ZNF827: variants seen among roughly 807,000 people sequenced by gnomAD.
ZNF827 encodes zinc finger protein 827.
In ZNF827, 13 loss-of-function variants were observed where a neutral mutation model predicts 102.4. The observed-to-expected ratio is 0.13, with a 90% CI of 0.08 to 0.20. The LOEUF (loss-of-function observed/expected upper bound fraction) is 0.20. Ranked by LOEUF, ZNF827 falls within the 10% of genes least tolerant of loss-of-function variation. ZNF827 has a pLI of 1.00. For missense variants in ZNF827, 1,103 were observed against 1,344.4 expected, an observed-to-expected ratio of 0.82 and a Z score of 2.81; for synonymous variants, 523 against 536.2, an observed-to-expected ratio of 0.98 and a Z score of 0.34.
Position 145,903,015 on chromosome 4 carries a change from C to T in ZNF827, c.244G>A (p.Glu82Lys). Residue 82 changes from glutamate (E) to lysine (K), a missense_variant, in exon 2 of 15, where the codon GAG becomes AAG. Glu to Lys is a moderately conservative substitution (Grantham distance 56). Transcript: ENST00000508784. ...GSTTPSSHTL[E>K]LVALDSEVLR... ...ACCTCACTGTCCAGTGCCACCAGCT[C>T]CAACGTGTGGCTGCTGGGAGTCGTG... 1 of 1,614,116 alleles carries T rather than the reference C, an allele frequency of 6.2e-7. No individual in the cohort carries two copies. Among genetic ancestry groups the T allele is most frequent in the Non-Finnish European group, 8.5e-7 (1 of 1,180,034 alleles).
At chr4:145,907,041 G>C (rs1478525671) in intron 1 of ZNF827, 1 of 456,392 alleles carries the variant, frequency 2.2e-6, no homozygotes, top group African/African-American at 2.0e-5. Flanking sequence ...AAACATAGCT[G>C]AAATTATTCT....
At chr4:145,868,621 T>C (rs923856156) in intron 5 of ZNF827, among the ~76,000 whole-genome samples, 4 of 152,226 alleles carry the variant, frequency 2.6e-5, no homozygotes, top group Non-Finnish European at 4.4e-5. Context: ...ATTCCACACT[T>C]GTGTCTCAAA....
At chr4:145,904,990 T>C (rs954967232) in intron 1 of ZNF827, among the ~76,000 whole-genome samples, 5 of 152,210 alleles carry the variant, frequency 3.3e-5, no homozygotes, top group Middle Eastern at 3.2e-3. Context: ...AAGGCTCAGC[T>C]CAGGACTGCA....
chr4:145,774,791 C>G (rs1321866666), intron 10 of ZNF827, 119 bp from the exon 11 acceptor site: 1 of 1,158,746 alleles, frequency 8.6e-7, no homozygotes, highest in East Asian at 2.6e-5. Flanking sequence ...ACACATTTGT[C>G]TCTCCACCAA....
chr4:145,815,218 G>A (rs1267490946), intron 8 of ZNF827, among the ~76,000 whole-genome samples: 4 of 152,168 alleles, frequency 2.6e-5, no homozygotes, highest in Admixed American at 6.5e-5. Context: ...GGACCTTGAT[G>A]TGGGATGTCT....
chr4:145,849,681 T>C, intron 5 of ZNF827, 120 bp from the exon 6 acceptor site: 1 of 1,451,156 alleles, frequency 6.9e-7, no homozygotes, highest in Middle Eastern at 2.5e-4. Context: ...AAAATGAGCG[T>C]GCACGGCACA....
At chr4:145,804,673 G>A (rs1016321188) in intron 8 of ZNF827, among the ~76,000 whole-genome samples, 1 of 152,094 alleles carries the variant, frequency 6.6e-6, no homozygotes, top group African/African-American at 2.4e-5. Flanking sequence ...CAGTGGCTGT[G>A]GTCATTTTAC....
chr4:145,763,922 C>T lies in ZNF827; in HGVS notation c.3231-800G>A, dbSNP rs1313793785. Among the ~76,000 whole-genome samples the T allele has an allele frequency of 1.3e-5, 2 of 151,722 alleles. No individual in the cohort carries two copies. Among genetic ancestry groups the T allele is most frequent in the African/African-American group, 4.8e-5 (2 of 41,272 alleles). On this transcript the variant is annotated intron_variant, in intron 13 of 14. Transcript: ENST00000508784. The surrounding 1 kb of genome is among the most constrained non-coding windows in gnomAD (Gnocchi z 4.6). ...GAGGTCCTGTTGTTCCCTGACTCTT[C>T]TATGTGGGGGAGTTTTTGAGGAGGC...
intron 2 of ZNF827, among the ~76,000 whole-genome samples, chr4:145,896,231 G>A (rs1021771468): frequency 6.6e-6 from 1 of 152,208 alleles, no homozygotes; most frequent in Admixed American, 6.5e-5. Context: ...CAGAGCAGAT[G>A]TAAATCTAAA....
chr4:145,810,854 G>A (rs903996454), intron 8 of ZNF827, among the ~76,000 whole-genome samples: 1 of 152,124 alleles, frequency 6.6e-6, no homozygotes, highest in Non-Finnish European at 1.5e-5. Flanking sequence ...ATGCTGCAAA[G>A]TGTATTTTTG....
chr4:145,901,188 G>A (rs936741143), intron 2 of ZNF827, among the ~76,000 whole-genome samples: 1 of 152,126 alleles, frequency 6.6e-6, no homozygotes. Context: ...ATCAAAAGTT[G>A]GCTAGACACA....
intron 4 of ZNF827, among the ~76,000 whole-genome samples, chr4:145,883,732 C>T (rs1018292779): frequency 4.6e-5 from 7 of 152,176 alleles, no homozygotes; most frequent in Admixed American, 1.3e-4. Flanking sequence ...CACCCCCACT[C>T]GGATTGCCCC....
intron 4 of ZNF827, among the ~76,000 whole-genome samples, chr4:145,877,364 G>A (rs1487901187): frequency 6.6e-6 from 1 of 152,098 alleles, no homozygotes; most frequent in Non-Finnish European, 1.5e-5. Flanking sequence ...GTAAGAAACT[G>A]CCTTCTGAAA....
intron 3 of ZNF827, among the ~76,000 whole-genome samples, chr4:145,888,680 TCGGTCAGTTTCCTG>T (rs1464879456): frequency 1.3e-5 from 2 of 152,246 alleles, no homozygotes; most frequent in Non-Finnish European, 2.9e-5. Context: ...ACCCTGACTC[TCGGTCAGTTTCCTG>T]CTAATACTTC....
chr4:145,786,036 A>G (rs967083334), intron 8 of ZNF827, among the ~76,000 whole-genome samples: 4 of 152,214 alleles, frequency 2.6e-5, no homozygotes, highest in African/African-American at 4.8e-5. Flanking sequence ...CTAACAGCCA[A>G]TCCTCTCTGA....
rs780004872 is a variant in ZNF827, at chr4:145,886,068, G to A, written c.1357C>T (p.Arg453Cys). The change falls in exon 4 of 15, where the codon CGT becomes TGT. Residue 453 changes from arginine (R) to cysteine (C), a missense_variant. Coordinates refer to ENST00000508784, the MANE Select transcript of ZNF827 (RefSeq NM_001306215.2). ...GTCCTCAGGAAGTGCTGATGGCAACGCATGTGGAGTTTCAGGCTGAAGTGG... is the reference window on the plus strand; with the variant it reads ...GTCCTCAGGAAGTGCTGATGGCAACACATGTGGAGTTTCAGGCTGAAGTGG... Reference protein sequence around the residue: ...SRHFSLKLHMRCHQHFLRTEA... With the variant: ...SRHFSLKLHMCCHQHFLRTEA... 6.2e-7 allele frequency: 1 copy of A among 1,614,190 alleles called. No individual in the cohort carries two copies. Among genetic ancestry groups the A allele is most frequent in the Non-Finnish European group, 8.5e-7 (1 of 1,180,012 alleles).
At chr4:145,799,614 C>G (rs997214798) in intron 8 of ZNF827, among the ~76,000 whole-genome samples, 1 of 152,190 alleles carries the variant, frequency 6.6e-6, no homozygotes, top group Admixed American at 6.5e-5. Context: ...AACATCCATA[C>G]TTTTCTCCTT....
At chr4:145,923,041 A>C (rs1197026682) in intron 1 of ZNF827, among the ~76,000 whole-genome samples, 1 of 152,202 alleles carries the variant, frequency 6.6e-6, no homozygotes, top group Non-Finnish European at 1.5e-5. Flanking sequence ...TACATAACTC[A>C]GTGAACCAAT....
At chr4:145,851,271 CAGAT>C (rs10581131) in intron 5 of ZNF827, among the ~76,000 whole-genome samples, 52,459 of 151,426 alleles carry the variant, frequency 0.35, 10,811 homozygotes, top group East Asian at 0.8. Context: ...TAGGAAACTT[CAGAT>C]AGATAGATAG....
Sources: gnomAD v4.1 joint callset for allele counts (sites outside exome capture counted in the v4.1 genomes callset) on GRCh38, gnomAD v4.1.1 for gene constraint, Gnocchi (gnomAD v3.1) non-coding constraint, MANE v1.5 for transcripts, NCBI Gene and HGNC (gene_info 2026-07-23, HGNC 2026-07-21) for gene names.